ADGRV1: variants seen among roughly 807,000 people sequenced by gnomAD.
ADGRV1 encodes G-protein coupled receptor 98.
Under a neutral mutation model 596.2 loss-of-function variants are expected in ADGRV1, and 359 were observed. The observed-to-expected ratio is 0.60, with a 90% CI of 0.55 to 0.66. The LOEUF is 0.66. Ranked by LOEUF, ADGRV1 falls within the 30% of genes least tolerant of loss-of-function variation. ADGRV1 has a pLI of 0.00. For synonymous variants in ADGRV1, 2,681 were observed against 2,679.2 expected (o/e 1.00, Z -0.02); for missense variants, 7,274 against 7,575.6 (o/e 0.96, Z 1.48).
In ADGRV1 at chr5:90,791,149, C is replaced by T. The variant is rs200685818; in HGVS notation, c.14320C>T (p.Leu4774Phe). 39 of 1,613,974 alleles carry T rather than the reference C, an allele frequency of 2.4e-5. No homozygotes were observed. The African/African-American group carries it at 2.7e-4, about 11-fold the overall frequency. Residue 4774 changes from leucine (L) to phenylalanine (F), a missense_variant, in exon 70 of 90, where the codon CTT (leucine) becomes TTT (phenylalanine). Physicochemically the swap from Leu to Phe is conservative, Grantham distance 22 (BLOSUM62 0). Transcript: ENST00000405460. ...CCTGTATTCGGATCGCCAGTCAATA[C>T]TTATTGGGCAGAACCTTATTAGATC... ...FALYSDRQSI[L>F]IGQNLIRSIQ...
intron 48 of ADGRV1, among the ~76,000 whole-genome samples, chr5:90,728,049 C>T (rs16869055): frequency 0.011 from 1,610 of 152,246 alleles, 30 homozygotes; most frequent in African/African-American, 0.037. Context: ...AGGGAAAGGT[C>T]GCTGTATCCA....
chr5:90,766,156 G>A (rs963216657), intron 59 of ADGRV1, among the ~76,000 whole-genome samples: 10 of 152,134 alleles, frequency 6.6e-5, no homozygotes, highest in Middle Eastern at 3.4e-3. Flanking sequence ...TGATCCGCCC[G>A]CCTTGGCCTC....
intron 89 of ADGRV1, among the ~76,000 whole-genome samples, chr5:91,157,357 C>G (rs537961387): frequency 4.5e-4 from 68 of 152,222 alleles, no homozygotes; most frequent in Admixed American, 1.0e-3. Context: ...GAAAATAAAA[C>G]TTTTACATTA....
intron 75 of ADGRV1, among the ~76,000 whole-genome samples, chr5:90,816,681 G>A (rs1468881059): frequency 8.0e-5 from 12 of 150,910 alleles, no homozygotes; most frequent in Non-Finnish European, 1.2e-4. Flanking sequence ...TTGTCCTTGC[G>A]ATAGTTTGCT....
At chr5:90,624,453 G>A (rs1275036867) in intron 5 of ADGRV1, among the ~76,000 whole-genome samples, 1 of 152,088 alleles carries the variant, frequency 6.6e-6, no homozygotes, top group African/African-American at 2.4e-5. Context: ...ATAATTATAA[G>A]TAACATTTTT....
intron 83 of ADGRV1, among the ~76,000 whole-genome samples, chr5:90,964,935 A>C (rs1022361972): frequency 6.6e-6 from 1 of 152,208 alleles, no homozygotes; most frequent in Admixed American, 6.5e-5. Flanking sequence ...TAGGATAACC[A>C]TAGAATTTGA....
chr5:90,697,221 T>C, intron 34 of ADGRV1, 75 bp downstream of exon 34: 2 of 1,315,944 alleles, frequency 1.5e-6, no homozygotes, highest in African/African-American at 1.5e-5. Context: ...TCTTTAAAAC[T>C]TGATAGTTTT....
chr5:90,852,102 G>A (rs1328673332), intron 79 of ADGRV1, among the ~76,000 whole-genome samples: 1 of 152,134 alleles, frequency 6.6e-6, no homozygotes, highest in African/African-American at 2.4e-5. Context: ...ACAAATTGAG[G>A]TGTTTCAATA....
intron 59 of ADGRV1, among the ~76,000 whole-genome samples, chr5:90,768,523 A>G (rs1437408451): frequency 6.6e-6 from 1 of 152,208 alleles, no homozygotes. Context: ...TACCTACGGT[A>G]CATCCCAGGT....
intron 21 of ADGRV1, among the ~76,000 whole-genome samples, chr5:90,665,552 T>G (rs959198050): frequency 2.0e-5 from 3 of 151,534 alleles, no homozygotes; most frequent in Non-Finnish European, 2.9e-5. Context: ...TGTCGATCCT[T>G]TCAAAAAACC....
intron 85 of ADGRV1, among the ~76,000 whole-genome samples, chr5:91,041,793 G>A (rs1040539926): frequency 6.6e-6 from 1 of 152,026 alleles, no homozygotes; most frequent in Admixed American, 6.6e-5. Flanking sequence ...ATTTCAATTG[G>A]TCAATATAAT....
At chr5:90,595,733 C>T (rs1490064336) in intron 1 of ADGRV1, among the ~76,000 whole-genome samples, 11 of 135,678 alleles carry the variant, frequency 8.1e-5, no homozygotes, top group African/African-American at 2.0e-4. Context: ...CCAGTAGGGG[C>T]GGCCGGGCAG....
At chr5:90,936,107 T>C (rs1775663335) in intron 83 of ADGRV1, among the ~76,000 whole-genome samples, 3 of 152,210 alleles carry the variant, frequency 2.0e-5, no homozygotes, top group Non-Finnish European at 4.4e-5. Context: ...TACCCTAGAC[T>C]TTATGAATCA....
chr5:90,916,234 G>A (rs543049933), intron 83 of ADGRV1, among the ~76,000 whole-genome samples: 9 of 151,734 alleles, frequency 5.9e-5, no homozygotes, highest in African/African-American at 2.2e-4. Context: ...ATAAGGCAAT[G>A]GCAATTTTTT....
intron 4 of ADGRV1, among the ~76,000 whole-genome samples, chr5:90,621,643 A>G (rs940943338): frequency 6.6e-6 from 1 of 152,062 alleles, no homozygotes; most frequent in African/African-American, 2.4e-5. Flanking sequence ...ATCTTAGCCT[A>G]TGGGAATGAA....
chr5:91,098,074 A>C (rs1393263179), intron 86 of ADGRV1, among the ~76,000 whole-genome samples: 2 of 152,198 alleles, frequency 1.3e-5, no homozygotes, highest in African/African-American at 4.8e-5. Flanking sequence ...CCTAAACACA[A>C]CTTGTTTCCA....
intron 1 of ADGRV1, among the ~76,000 whole-genome samples, chr5:90,600,653 C>G (rs552938489): frequency 6.6e-6 from 1 of 152,254 alleles, no homozygotes; most frequent in African/African-American, 2.4e-5. Flanking sequence ...GATTTATAAT[C>G]CTTTGGGTAT....
intron 83 of ADGRV1, among the ~76,000 whole-genome samples, chr5:90,931,701 A>G (rs1775267062): frequency 6.6e-6 from 1 of 152,238 alleles, no homozygotes; most frequent in Non-Finnish European, 1.5e-5. Context: ...AATTTCTTAA[A>G]AGAAATATTT....
chr5:91,028,011 A>G (rs1374890137), intron 85 of ADGRV1, among the ~76,000 whole-genome samples: 1 of 150,506 alleles, frequency 6.6e-6, no homozygotes, highest in Non-Finnish European at 1.5e-5. Flanking sequence ...CCCACTCACT[A>G]CTGAGATCCA....
Sources: allele counts gnomAD v4.1 joint callset (sites outside exome capture counted in the v4.1 genomes callset), GRCh38; gene constraint gnomAD v4.1.1; transcripts MANE v1.5; gene names NCBI Gene and HGNC (gene_info 2026-07-23, HGNC 2026-07-21).